The following VPS13B variants were observed in gnomAD, a reference collection of about 807,000 sequenced individuals.
VPS13B encodes intermembrane lipid transfer protein VPS13B.
In VPS13B, 285 loss-of-function variants were observed where a neutral mutation model predicts 426.4. The ratio of observed to expected loss-of-function variants is 0.67; its 90% CI spans 0.61 to 0.74. The LOEUF is 0.74. VPS13B is among the 30% of genes least tolerant of loss of function. The pLI is 0.00. For synonymous variants in VPS13B, 1,676 were observed against 1,676.4 expected (o/e 1.00, Z 0.01); for missense variants, 4,537 against 4,782.6 (o/e 0.95, Z 1.51).
chr8:99,324,188 A>T (rs1356310799), intron 19 of VPS13B, among the ~76,000 whole-genome samples: 2 of 152,232 alleles, frequency 1.3e-5, no homozygotes, highest in African/African-American at 4.8e-5. Flanking sequence ...CCAAGCAGAG[A>T]TATGAACATG....
chr8:99,699,596 CT>C lies in VPS13B; in HGVS notation c.6125del (p.Leu2042Ter). The stretch of plus-strand genomic sequence containing the variant: ...TTTCACCAAACTGGATCAGATAAAC[CT>C]TTTTTTAAAGAAGATAAAAAATGCA... ...LSFTKLDQIN[L>X]FLKKIKNAHS... is the part of the protein sequence containing the mutation. On this transcript the variant is annotated frameshift_variant, in exon 36 of 62. Coordinates refer to ENST00000357162, the MANE Select transcript of VPS13B (RefSeq NM_152564.5). LOFTEE classifies it high-confidence loss of function. 1 of 1,613,952 alleles carries C rather than the reference CT, an allele frequency of 6.2e-7. No individual in the cohort carries two copies. Among genetic ancestry groups the C allele is most frequent in the Non-Finnish European group, 8.5e-7 (1 of 1,179,970 alleles).
At chr8:99,491,603 C>A (rs1467154667) in intron 25 of VPS13B, among the ~76,000 whole-genome samples, 1 of 152,122 alleles carries the variant, frequency 6.6e-6, no homozygotes, top group Non-Finnish European at 1.5e-5. Context: ...CACTTTATTT[C>A]ATTAATTTGA....
At chr8:99,720,226 A>T in intron 37 of VPS13B, 119 bp from the exon 38 acceptor site, 1 of 825,822 alleles carries the variant, frequency 1.2e-6, no homozygotes, top group Non-Finnish European at 1.9e-6. Context: ...ATTATAGTTT[A>T]TAAGTAATTA....
chr8:99,441,640 A>G (rs1357905847), intron 22 of VPS13B, among the ~76,000 whole-genome samples: 1 of 152,136 alleles, frequency 6.6e-6, no homozygotes, highest in African/African-American at 2.4e-5. Context: ...CGATGAATTC[A>G]GTTTTGGGGT....
chr8:99,434,733 G>A (rs913308935), intron 22 of VPS13B, among the ~76,000 whole-genome samples: 4 of 152,146 alleles, frequency 2.6e-5, no homozygotes, highest in Admixed American at 2.0e-4. Context: ...AGAATGGGGG[G>A]AAGAAAGTAT....
intron 24 of VPS13B, among the ~76,000 whole-genome samples, chr8:99,469,168 C>CA (rs1819267735): frequency 7.8e-6 from 1 of 127,786 alleles, no homozygotes. Context: ...TCTTTCTTTC[C>CA]TTTTTTTTTT....
At chr8:99,855,401 T>C (rs1266737847) in intron 56 of VPS13B, among the ~76,000 whole-genome samples, 2 of 152,010 alleles carry the variant, frequency 1.3e-5, no homozygotes, top group African/African-American at 4.8e-5. Context: ...GATTGAGTGG[T>C]GGGAACCATG....
At chr8:99,615,117 CAAAAAA>C (rs747102670) in intron 33 of VPS13B, among the ~76,000 whole-genome samples, 3 of 58,628 alleles carry the variant, frequency 5.1e-5, no homozygotes, top group Non-Finnish European at 7.3e-5. Flanking sequence ...AACTCCGTCT[CAAAAAA>C]AAAAAAAAAA....
intron 8 of VPS13B, among the ~76,000 whole-genome samples, chr8:99,128,093 T>C (rs1809528997): frequency 6.6e-6 from 1 of 152,014 alleles, no homozygotes; most frequent in Non-Finnish European, 1.5e-5. Context: ...AAGTGGTAAT[T>C]TTAAAAGGTT....
intron 33 of VPS13B, among the ~76,000 whole-genome samples, chr8:99,640,036 AG>A (rs1362173863): frequency 7.8e-6 from 1 of 128,098 alleles, no homozygotes; most frequent in East Asian, 2.2e-4. Context: ...AAGAAGAAGA[AG>A]AAGAAGAAGA....
chr8:99,600,913 A>G (rs1224854788), intron 33 of VPS13B, among the ~76,000 whole-genome samples: 4 of 152,106 alleles, frequency 2.6e-5, no homozygotes. Context: ...TGTTTCCTTT[A>G]TACCCTAAAT....
chr8:99,545,807 A>G (rs1027740869), intron 30 of VPS13B, among the ~76,000 whole-genome samples: 1 of 152,110 alleles, frequency 6.6e-6, no homozygotes, highest in African/African-American at 2.4e-5. Flanking sequence ...AATGGATGGT[A>G]CCTAGTATGA....
chr8:99,831,637 C>A (rs1315618933), intron 51 of VPS13B, among the ~76,000 whole-genome samples: 1 of 151,782 alleles, frequency 6.6e-6, no homozygotes, highest in African/African-American at 2.4e-5. Flanking sequence ...CAAACATAGA[C>A]CAAAAATATT....
intron 5 of VPS13B, among the ~76,000 whole-genome samples, chr8:99,110,176 G>A (rs1355249551): frequency 6.6e-6 from 1 of 151,884 alleles, no homozygotes; most frequent in East Asian, 1.9e-4. Context: ...ATAAAATGTT[G>A]AATTAATTAG....
At chr8:99,329,321 T>C (rs1810438185) in intron 19 of VPS13B, among the ~76,000 whole-genome samples, 1 of 152,110 alleles carries the variant, frequency 6.6e-6, no homozygotes, top group Admixed American at 6.6e-5. Flanking sequence ...TATATTACAA[T>C]CAATGCTTAT....
chr8:99,784,285 A>T (rs760316539), intron 42 of VPS13B, 30 bp from the exon 43 acceptor site: 3 of 1,613,460 alleles, frequency 1.9e-6, no homozygotes, highest in Non-Finnish European at 1.7e-6. Context: ...AATCCGATCC[A>T]TGTTGGCTTT....
intron 25 of VPS13B, among the ~76,000 whole-genome samples, chr8:99,497,852 A>G (rs897503348): frequency 6.6e-6 from 1 of 152,138 alleles, no homozygotes; most frequent in African/African-American, 2.4e-5. Flanking sequence ...ACTCCTGAAA[A>G]TACTTATGTC....
chr8:99,075,410 C>T (rs1157830291), intron 3 of VPS13B, among the ~76,000 whole-genome samples: 1 of 152,108 alleles, frequency 6.6e-6, no homozygotes, highest in Non-Finnish European at 1.5e-5. Flanking sequence ...CTTTTAAAAA[C>T]TCAGATCTTG....
At chr8:99,718,796 A>C (rs1363128225) in intron 37 of VPS13B, among the ~76,000 whole-genome samples, 1 of 151,552 alleles carries the variant, frequency 6.6e-6, no homozygotes, top group Non-Finnish European at 1.5e-5. Context: ...CCTCCCGAGT[A>C]CCCAGGACCA....
Sources: gnomAD v4.1 joint callset for allele counts (sites outside exome capture counted in the v4.1 genomes callset) on GRCh38, gnomAD v4.1.1 for gene constraint, MANE v1.5 for transcripts, NCBI Gene and HGNC (gene_info 2026-07-23, HGNC 2026-07-21) for gene names.